Variants in TTF2 observed in about 807,000 individuals in gnomAD.
TTF2 encodes the protein RNA polymerase II termination factor.
A neutral mutation model predicts 142.4 loss-of-function variants in TTF2; 108 were observed. The ratio of observed to expected loss-of-function variants is 0.76; its 90% CI spans 0.65 to 0.89. The LOEUF (loss-of-function observed/expected upper bound fraction) is 0.89. Ranked by LOEUF, TTF2 falls within the 40% of genes least tolerant of loss-of-function variation. The pLI, the probability that TTF2 is intolerant of heterozygous loss-of-function variation, is 0.00. For synonymous variants in TTF2, 483 were observed against 506.2 expected, an observed-to-expected ratio of 0.95 and a Z score of 0.61; for missense variants, 1,327 against 1,379.8, an observed-to-expected ratio of 0.96 and a Z score of 0.61.
At position 117,100,909 on chromosome 1, in the gene TTF2, G is replaced by T. The variant is rs1649537871; in HGVS notation, c.3345-471G>T. ...CCATCCCCACACCTAGCATAGTGTA[G>T]TGAGTGCTTAATCAATACTTTTGAA... On this transcript the variant is annotated intron_variant, in intron 22 of 22. Transcript: ENST00000369466. The surrounding 1 kb of genome is among the most constrained non-coding windows in gnomAD (Gnocchi z 4.6). 6.6e-6 allele frequency among the ~76,000 whole-genome samples: 1 copy of T among 152,216 alleles called. No individual in the cohort carries two copies. The highest frequency in any genetic ancestry group is 2.4e-5 in the African/African-American group (1 of 41,452).
chr1:117,083,918 C>T, intron 10 of TTF2, 100 bp from the exon 11 acceptor site: 1 of 1,418,722 alleles, frequency 7.0e-7, no homozygotes. Flanking sequence ...TTGAGACAGC[C>T]TGGGTAACAC....
rs1207570178 is a variant in TTF2, at chr1:117,069,219, C to A, written c.219-4442C>A. ...CCATGTAAAGATGTGAACTCATAAT[C>A]CCTAAGGAGCCTTTGACACAGCTGG... On this transcript the variant is annotated intron_variant, in intron 3 of 22. Transcript: ENST00000369466. Among the ~76,000 whole-genome samples, 8 of 152,254 alleles carry A rather than the reference C, an allele frequency of 5.3e-5. No individual in the cohort carries two copies. The East Asian group carries it at 9.6e-4, about 18-fold the overall frequency.
intron 3 of TTF2, among the ~76,000 whole-genome samples, chr1:117,065,784 A>ATTG (rs1656049156): frequency 6.6e-6 from 1 of 151,276 alleles, no homozygotes; most frequent in Admixed American, 6.6e-5. Context: ...GCATGAAGTT[A>ATTG]TATTCTACTG....
Position 117,080,527 on chromosome 1 carries a change from G to A in TTF2, c.1783+878G>A, listed in dbSNP as rs1647408615. ...AGGTCATATTGCCAGTGCCTTAGCT[G>A]CAACAGAAACCAGAAAGCAAGTTTT... is the stretch of plus-strand genomic sequence containing the variant. On this transcript the variant is annotated intron_variant, in intron 9 of 22. Transcript: ENST00000369466. The surrounding 1 kb of genome is among the most constrained non-coding windows in gnomAD (Gnocchi z 4.3). Among the ~76,000 whole-genome samples the A allele has an allele frequency of 1.3e-5, 2 of 152,302 alleles. No homozygotes were observed. The highest frequency in any genetic ancestry group is 2.4e-5 in the African/African-American group (1 of 41,570).
At chr1:117,064,296 A>G (rs1048046093) in intron 3 of TTF2, among the ~76,000 whole-genome samples, 3 of 150,668 alleles carry the variant, frequency 2.0e-5, no homozygotes, top group Admixed American at 6.7e-5. Context: ...TGGCCAACCA[A>G]CATGGTGAAA....
At chr1:117,069,413 T>C (rs1201354191) in intron 3 of TTF2, among the ~76,000 whole-genome samples, 2 of 152,210 alleles carry the variant, frequency 1.3e-5, no homozygotes, top group Non-Finnish European at 2.9e-5. Context: ...TGTCCTTGAA[T>C]GACCTTGACA....
intron 4 of TTF2, among the ~76,000 whole-genome samples, chr1:117,074,104 G>T (rs986650451): frequency 1.3e-5 from 2 of 152,128 alleles, no homozygotes; most frequent in Non-Finnish European, 2.9e-5. Context: ...TTAGAACTAG[G>T]AGGAGCATCT....
chr1:117,067,320 C>T (rs576809848), intron 3 of TTF2, among the ~76,000 whole-genome samples: 51 of 151,968 alleles, frequency 3.4e-4, no homozygotes, highest in Non-Finnish European at 6.9e-4. Flanking sequence ...TCACTTGAGG[C>T]CAGGAGTTCA....
chr1:117,076,520 T>C lies in TTF2; in HGVS notation c.1391-121T>C. Reference sequence around the variant, plus strand: ...TTAAGCAACTGTTAAAATGCTACCTTCTCTAGGAATCCTTCATCGGAATGG... The same window carrying C: ...TTAAGCAACTGTTAAAATGCTACCTCCTCTAGGAATCCTTCATCGGAATGG... On this transcript the variant is annotated intron_variant, in intron 6 of 22. Coordinates refer to ENST00000369466, the MANE Select transcript of TTF2 (RefSeq NM_003594.4). This position sits in a 1 kb window ranked among gnomAD's most constrained non-coding sequence, Gnocchi z 4.6. 8.4e-7 allele frequency: 1 copy of C among 1,184,000 alleles called. No homozygotes were observed. The highest frequency in any genetic ancestry group is 1.2e-6 in the Non-Finnish European group (1 of 850,720). 73.3% of individuals were successfully genotyped at this position (1,184,000 alleles called of 1,614,324 possible).
chr1:117,086,597 C>A lies in TTF2; in HGVS notation c.2160+75C>A. On this transcript the variant is annotated intron_variant, in intron 12 of 22. Coordinates refer to ENST00000369466, the MANE Select transcript of TTF2 (RefSeq NM_003594.4). The surrounding 1 kb of genome is among the most constrained non-coding windows in gnomAD (Gnocchi z 4.2). The stretch of plus-strand genomic sequence containing the variant: ...TAATGGGAGTCTTTCTCAGCCTCCA[C>A]GATAGCAAGAGGACCTCCCTGGAGG... 9.3e-7 allele frequency: 1 copy of A among 1,078,624 alleles called. No homozygotes were observed. The highest frequency in any genetic ancestry group is 1.4e-6 in the Non-Finnish European group (1 of 710,972). 66.8% of individuals were successfully genotyped at this position (1,078,624 alleles called of 1,614,324 possible).
chr1:117,095,396 T>C, intron 19 of TTF2, 29 bp downstream of exon 19: 2 of 1,606,644 alleles, frequency 1.2e-6, no homozygotes, highest in Non-Finnish European at 1.7e-6. Context: ...TATCCAAGTA[T>C]TGGTCATAAT....
At chr1:117,065,620 T>C (rs1445722938) in intron 3 of TTF2, among the ~76,000 whole-genome samples, 1 of 152,182 alleles carries the variant, frequency 6.6e-6, no homozygotes, top group Non-Finnish European at 1.5e-5. Flanking sequence ...CTCTGAGCAT[T>C]GTTTAATACT....
chr1:117,094,640 A>G (rs1358166907), intron 18 of TTF2: 3 of 483,846 alleles, frequency 6.2e-6, no homozygotes, highest in South Asian at 1.5e-5. Flanking sequence ...TTCTTCAGCA[A>G]ACATTAGGAG....
chr1:117,087,946 A>T lies in TTF2; in HGVS notation c.2161-855A>T, dbSNP rs942080205. Among the ~76,000 whole-genome samples, 1 of 152,196 alleles carries T rather than the reference A, an allele frequency of 6.6e-6. No homozygotes were observed. The highest frequency in any genetic ancestry group is 1.9e-4 in the East Asian group (1 of 5,190). On this transcript the variant is annotated intron_variant, in intron 12 of 22. Transcript: ENST00000369466. This position sits in a 1 kb window ranked among gnomAD's most constrained non-coding sequence, Gnocchi z 4.8. ...ACTATGGGTCAGGTGCTGTTTCGTC[A>T]AGAGCAGCCAGATTCCCACTTCAGG... is the stretch of plus-strand genomic sequence containing the variant.
At chr1:117,082,004 A>T (rs887322216) in intron 10 of TTF2, 57 bp downstream of exon 10, 1 of 1,612,170 alleles carries the variant, frequency 6.2e-7, no homozygotes, top group Admixed American at 1.7e-5. Flanking sequence ...GCCACCCAAG[A>T]GGGGAACGTC....
chr1:117,081,350 A>T (rs1338272830), intron 9 of TTF2, among the ~76,000 whole-genome samples: 1 of 152,240 alleles, frequency 6.6e-6, no homozygotes, highest in Non-Finnish European at 1.5e-5. Context: ...GATTGGTACA[A>T]TGACAGTACC....
Position 117,086,615 on chromosome 1 carries a change from C to T in TTF2, c.2160+93C>T. 2.4e-6 allele frequency: 2 copies of T among 849,640 alleles called. No individual in the cohort carries two copies. Among genetic ancestry groups the T allele is most frequent in the South Asian group, 1.5e-5 (1 of 67,958 alleles). The allele number at this position is 849,640 out of a possible 1,614,324, so 52.6% of individuals were successfully genotyped here. ...GCCTCCACGATAGCAAGAGGACCTC[C>T]CTGGAGGTCAGGAATGCTGTAAATG... On this transcript the variant is annotated intron_variant, in intron 12 of 22. Transcript: ENST00000369466. The surrounding 1 kb of genome is among the most constrained non-coding windows in gnomAD (Gnocchi z 4.2).
In TTF2 at chr1:117,076,357, G is replaced by C; in HGVS notation, c.1390+63G>C. On this transcript the variant is annotated intron_variant, in intron 6 of 22. Transcript: ENST00000369466. The surrounding 1 kb of genome is among the most constrained non-coding windows in gnomAD (Gnocchi z 4.6). ...CGACTTTACAAGAGACATTCGGGAA[G>C]CCCTTTTAATAAAGAATGTGTTGAT... 7.5e-7 allele frequency: 1 copy of C among 1,326,860 alleles called. No individual in the cohort carries two copies. The highest frequency in any genetic ancestry group is 1.1e-6 in the Non-Finnish European group (1 of 949,132). The allele number at this position is 1,326,860 out of a possible 1,614,324, so 82.2% of individuals were successfully genotyped here. A position where few individuals can be genotyped will look rare whatever the true frequency, so the allele number is the denominator to read the frequency against.
intron 13 of TTF2, among the ~76,000 whole-genome samples, chr1:117,089,239 C>T (rs1648326309): frequency 8.6e-6 from 1 of 115,842 alleles, no homozygotes; most frequent in Non-Finnish European, 1.9e-5. Flanking sequence ...AAAATATATG[C>T]AAAATATATG....
Sources: allele counts gnomAD v4.1 joint callset (sites outside exome capture counted in the v4.1 genomes callset), GRCh38; gene constraint gnomAD v4.1.1; non-coding constraint Gnocchi (gnomAD v3.1); transcripts MANE v1.5; gene names NCBI Gene and HGNC (gene_info 2026-07-23, HGNC 2026-07-21).